The following MAPK8 variants were observed in gnomAD, a reference collection of about 807,000 sequenced individuals.
The protein encoded by MAPK8 is mitogen-activated protein kinase 8, also known as JUN N-terminal kinase.
Under a neutral mutation model 52.9 loss-of-function variants are expected in MAPK8, and 13 were observed. The ratio of observed to expected loss-of-function variants is 0.25; its 90% CI spans 0.16 to 0.39. The LOEUF (loss-of-function observed/expected upper bound fraction) is 0.39, where lower values mean the gene tolerates loss of function less well. Among genes scored for constraint, MAPK8 ranks in the 10% least tolerant of loss-of-function variants. The pLI is 1.00. For missense variants in MAPK8, 300 were observed against 519.2 expected (o/e 0.58, Z 4.10); for synonymous variants, 191 against 169.8 (o/e 1.12, Z -0.97).
rs373468753 is a variant in MAPK8, at chr10:48,312,897, CTG to C, written c.-50+6080_-50+6081del. 3.7e-3 allele frequency among the ~76,000 whole-genome samples: 561 copies of C among 152,342 alleles called. 3 individuals carry two copies. Among genetic ancestry groups the C allele is most frequent in the African/African-American group, 0.013 (546 of 41,580 alleles). On this transcript the variant is annotated intron_variant, in intron 1 of 11. Transcript: ENST00000374189. ...AAGATAAAGAATCTCCTTTTCTACT[CTG>C]TGTAGCCACCTAGTTCTTCTGCCTG... is the stretch of plus-strand genomic sequence containing the variant.
At chr10:48,390,050 G>A (rs1323688188) in intron 1 of MAPK8, among the ~76,000 whole-genome samples, 3 of 152,134 alleles carry the variant, frequency 2.0e-5, no homozygotes, top group Admixed American at 6.6e-5. Flanking sequence ...CCAGAACACC[G>A]AATGTAGTTT....
intron 1 of MAPK8, among the ~76,000 whole-genome samples, chr10:48,356,130 T>G (rs548071874): frequency 7.9e-5 from 12 of 152,206 alleles, no homozygotes; most frequent in African/African-American, 2.9e-4. Context: ...AGCATAAGAG[T>G]AATAAATATC....
chr10:48,394,851 C>A (rs1166999744), intron 1 of MAPK8, among the ~76,000 whole-genome samples: 1 of 149,682 alleles, frequency 6.7e-6, no homozygotes, highest in Non-Finnish European at 1.5e-5. Context: ...GAGTCTATTA[C>A]AAAATCATTA....
At chr10:48,352,070 AAAGT>A (rs1229833235) in intron 1 of MAPK8, among the ~76,000 whole-genome samples, 1 of 152,218 alleles carries the variant, frequency 6.6e-6, no homozygotes, top group African/African-American at 2.4e-5. Context: ...AAGTTTTCAG[AAAGT>A]ACAACATACT....
intron 1 of MAPK8, among the ~76,000 whole-genome samples, chr10:48,326,404 C>T (rs1187905181): frequency 6.6e-6 from 1 of 152,264 alleles, no homozygotes; most frequent in Middle Eastern, 3.4e-3. Context: ...TTTGTGAGCA[C>T]TTACTTTCTG....
intron 1 of MAPK8, among the ~76,000 whole-genome samples, chr10:48,335,079 C>G (rs1026917970): frequency 1.3e-5 from 2 of 152,176 alleles, no homozygotes; most frequent in Non-Finnish European, 2.9e-5. Context: ...TAGTGACTTT[C>G]TAGGTGCATG....
At chr10:48,420,831 CGTT>C (rs1350707307) in intron 6 of MAPK8, among the ~76,000 whole-genome samples, 75 of 152,278 alleles carry the variant, frequency 4.9e-4, no homozygotes, top group East Asian at 7.7e-4. Context: ...TTCATTAAAA[CGTT>C]GTATCCAGCC....
intron 1 of MAPK8, among the ~76,000 whole-genome samples, chr10:48,343,370 C>T (rs1032642017): frequency 6.6e-6 from 1 of 152,170 alleles, no homozygotes; most frequent in Non-Finnish European, 1.5e-5. Flanking sequence ...TCTAATCTCC[C>T]TCTGCTTCTC....
Position 48,437,285 on chromosome 10 carries a change from G to A in MAPK8, c.*2256G>A, listed in dbSNP as rs555046769. ...ATTACTACATCCAAATACAGTTTTC[G>A]TCTTAAATTTGTTAAGCTAAATATA... On this transcript the variant is annotated 3_prime_UTR_variant, in exon 12 of 12. Transcript: ENST00000374189. 2.6e-5 allele frequency: 4 copies of A among 152,104 alleles called. No individual in the cohort carries two copies. The highest frequency in any genetic ancestry group is 4.8e-5 in the African/African-American group (2 of 41,504). 9.4% of individuals were successfully genotyped at this position (152,104 alleles called of 1,614,324 possible).
intron 1 of MAPK8, among the ~76,000 whole-genome samples, chr10:48,357,350 T>A (rs1419628198): frequency 1.3e-5 from 2 of 152,214 alleles, no homozygotes; most frequent in East Asian, 3.9e-4. Context: ...TCTTTATGGT[T>A]TGCTAAGAAT....
At chr10:48,413,627 G>A (rs2042878485) in intron 5 of MAPK8, among the ~76,000 whole-genome samples, 1 of 151,246 alleles carries the variant, frequency 6.6e-6, no homozygotes, top group South Asian at 2.1e-4. Flanking sequence ...AGCTATTTTG[G>A]CTGACATCAC....
Position 48,324,503 on chromosome 10 carries a change from G to GTTTTTTTTTTTTTGGTTTTT in MAPK8, c.-50+17695_-50+17696insGGTTTTTTTTTTTTTTTTTT, listed in dbSNP as rs529248037. ...TATACAACAGTTGTCCTGTTTTCTA[G>GTTTTTTTTTTTTTGGTTTTT]TTTTTTTTTTTTTTTTTACACTCAT... On this transcript the variant is annotated intron_variant, in intron 1 of 11. Transcript: ENST00000374189. 9.3e-5 allele frequency among the ~76,000 whole-genome samples: 11 copies of GTTTTTTTTTTTTTGGTTTTT among 118,020 alleles called. 1 individual carries two copies. The highest frequency in any genetic ancestry group is 1.3e-4 in the Non-Finnish European group (8 of 59,922). 77.4% of individuals were successfully genotyped at this position (118,020 alleles called of 152,430 possible). A position where few individuals can be genotyped will look rare whatever the true frequency, so the allele number is the denominator to read the frequency against.
intron 5 of MAPK8, among the ~76,000 whole-genome samples, chr10:48,411,078 CTGTT>C (rs1272664248): frequency 1.1e-4 from 16 of 152,290 alleles, no homozygotes; most frequent in African/African-American, 3.9e-4. Flanking sequence ...TGTAGGTTGT[CTGTT>C]CACTTTGCTG....
chr10:48,359,838 T>C (rs1564528224), intron 1 of MAPK8, among the ~76,000 whole-genome samples: 1 of 152,254 alleles, frequency 6.6e-6, no homozygotes, highest in Non-Finnish European at 1.5e-5. Flanking sequence ...ATATTATCCA[T>C]GATTTTAAGG....
At chr10:48,424,758 A>G (rs1445685727) in intron 7 of MAPK8, among the ~76,000 whole-genome samples, 1 of 152,104 alleles carries the variant, frequency 6.6e-6, no homozygotes, top group East Asian at 1.9e-4. Flanking sequence ...ATTGTTTCAT[A>G]TGTTAATTCT....
chr10:48,365,494 T>C (rs1286629081), intron 1 of MAPK8, among the ~76,000 whole-genome samples: 1 of 152,194 alleles, frequency 6.6e-6, no homozygotes, highest in Non-Finnish European at 1.5e-5. Context: ...GATTTATTGC[T>C]ATTTTTGTTC....
At chr10:48,375,499 C>T (rs961528675) in intron 1 of MAPK8, among the ~76,000 whole-genome samples, 9 of 846 alleles carry the variant, frequency 0.011, no homozygotes, top group African/African-American at 0.062. Context: ...ACCCCATTGT[C>T]TCAGCCCAAA....
At chr10:48,356,096 C>G (rs1167708639) in intron 1 of MAPK8, among the ~76,000 whole-genome samples, 2 of 152,020 alleles carry the variant, frequency 1.3e-5, no homozygotes, top group Non-Finnish European at 2.9e-5. Flanking sequence ...AGACAGGAGG[C>G]CAGAGATACA....
At chr10:48,407,200 A>AT (rs1293385690) in intron 3 of MAPK8, among the ~76,000 whole-genome samples, 1 of 152,116 alleles carries the variant, frequency 6.6e-6, no homozygotes, top group Non-Finnish European at 1.5e-5. Context: ...TATCTTTGTA[A>AT]TAGCTGGATT....
Sources: gnomAD v4.1 joint callset for allele counts (sites outside exome capture counted in the v4.1 genomes callset) on GRCh38, gnomAD v4.1.1 for gene constraint, MANE v1.5 for transcripts, NCBI Gene and HGNC (gene_info 2026-07-23, HGNC 2026-07-21) for gene names.